LPL: variants seen among roughly 807,000 people sequenced by gnomAD.
LPL encodes lipoprotein lipase, also known as phospholipase A1.
Under a neutral mutation model 52.2 loss-of-function variants are expected in LPL, and 43 were observed. That is an observed-to-expected ratio of 0.82 (90% confidence interval 0.64 to 1.06). The LOEUF (loss-of-function observed/expected upper bound fraction) is 1.06. Among genes scored for constraint, LPL ranks in the 50% least tolerant of loss-of-function variants. The pLI is 0.00. For missense variants in LPL, 639 were observed against 585.3 expected (o/e 1.09, Z -0.95); for synonymous variants, 244 against 215.6 (o/e 1.13, Z -1.15).
At chr8:19,940,090 C>A (rs1395096947) in intron 1 of LPL, among the ~76,000 whole-genome samples, 1 of 152,212 alleles carries the variant, frequency 6.6e-6, no homozygotes, top group Admixed American at 6.5e-5. Context: ...TCGGCGGGGC[C>A]CCTCGCTCCG....
rs1331026335 is a variant in LPL at position 19,955,935 on chromosome 8, G to T, written c.870G>T (p.Arg290Ser). Reference protein sequence around the residue: ...LNEENPSKAYRCSSKEAFEKG... With the variant: ...LNEENPSKAYSCSSKEAFEKG... ...AAGAAAATCCAAGTAAGGCCTACAGGTGCAGTTCCAAGGAAGCCTTTGAGA... is the reference window on the plus strand; with the variant it reads ...AAGAAAATCCAAGTAAGGCCTACAGTTGCAGTTCCAAGGAAGCCTTTGAGA... The change falls in exon 6 of 10, where the codon AGG becomes AGT. Residue 290 changes from arginine to serine, a missense_variant. Coordinates refer to ENST00000650287, the MANE Select transcript of LPL (RefSeq NM_000237.3). 1 of 1,614,036 alleles carries T rather than the reference G, an allele frequency of 6.2e-7. No individual in the cohort carries two copies. The highest frequency in any genetic ancestry group is 8.5e-7 in the Non-Finnish European group (1 of 1,180,028).
intron 1 of LPL, among the ~76,000 whole-genome samples, chr8:19,941,487 T>C (rs1050255915): frequency 1.3e-5 from 2 of 152,224 alleles, no homozygotes; most frequent in African/African-American, 2.4e-5. Flanking sequence ...ATGAGGCCAA[T>C]GTTCTCTGAG....
intron 6 of LPL, among the ~76,000 whole-genome samples, chr8:19,958,475 G>T (rs575872621): frequency 6.6e-6 from 1 of 152,316 alleles, no homozygotes; most frequent in East Asian, 1.9e-4. Flanking sequence ...CCTGCTTCCA[G>T]AGGCTGTCCC....
intron 1 of LPL, among the ~76,000 whole-genome samples, chr8:19,942,363 T>C (rs1224778991): frequency 6.6e-6 from 1 of 152,232 alleles, no homozygotes; most frequent in Non-Finnish European, 1.5e-5. Context: ...TGGTTGGTGA[T>C]GATTTTGGAT....
At chr8:19,948,485 A>G in intron 2 of LPL, 145 bp downstream of exon 2, 1 of 960,964 alleles carries the variant, frequency 1.0e-6, no homozygotes, top group Non-Finnish European at 1.5e-6. Flanking sequence ...GTTCTGGCTC[A>G]GGTGGGATCT....
intron 4 of LPL, 51 bp from the exon 5 acceptor site, chr8:19,954,069 C>A (rs1044444268): frequency 7.7e-7 from 1 of 1,306,772 alleles, no homozygotes; most frequent in Non-Finnish European, 1.1e-6. Context: ...ATGCGAATGT[C>A]ATACGAATGG....
rs1033062829 is a variant in LPL at position 19,956,028 on chromosome 8, A to C, written c.963A>C (p.Arg321Ser). ...NNLGYEINKVRAKRSSKMYLK... is the reference protein window; with the variant it reads ...NNLGYEINKVSAKRSSKMYLK... ...TGGGCTATGAGATCAATAAAGTCAGAGCCAAAAGAAGCAGCAAAATGTACC... is the reference window on the plus strand; with the variant it reads ...TGGGCTATGAGATCAATAAAGTCAGCGCCAAAAGAAGCAGCAAAATGTACC... Residue 321 changes from arginine (R) to serine (S), a missense_variant, in exon 6 of 10, where the codon AGA (arginine) becomes AGC (serine). Coordinates refer to ENST00000650287, the MANE Select transcript of LPL (RefSeq NM_000237.3). 6.2e-7 allele frequency: 1 copy of C among 1,614,200 alleles called. No individual in the cohort carries two copies. The highest frequency in any genetic ancestry group is 8.5e-7 in the Non-Finnish European group (1 of 1,180,036).
chr8:19,954,746 A>C (rs951382417), intron 5 of LPL, among the ~76,000 whole-genome samples: 1 of 152,240 alleles, frequency 6.6e-6, no homozygotes, highest in Non-Finnish European at 1.5e-5. Flanking sequence ...ATTAGGATAA[A>C]TCTTCCAAAA....
intron 7 of LPL, among the ~76,000 whole-genome samples, chr8:19,960,548 G>A (rs568415984): frequency 6.6e-6 from 1 of 152,136 alleles, no homozygotes; most frequent in East Asian, 1.9e-4. Context: ...ATAAAGAATA[G>A]AGAATCGTAT....
chr8:19,953,681 C>G (rs1590142851), intron 4 of LPL, among the ~76,000 whole-genome samples: 2 of 151,242 alleles, frequency 1.3e-5, no homozygotes, highest in African/African-American at 4.9e-5. Flanking sequence ...CTCTGGGAAG[C>G]CTGTTTCCTC....
chr8:19,959,777 C>CTTTTTTTTTTTTTTTTT lies in LPL; in HGVS notation c.1139+410_1139+426dup. Among the ~76,000 whole-genome samples the CTTTTTTTTTTTTTTTTT allele has an allele frequency of 8.8e-4, 57 of 65,134 alleles. 5 individuals carry two copies. Among genetic ancestry groups the CTTTTTTTTTTTTTTTTT allele is most frequent in the African/African-American group, 1.4e-3 (21 of 15,152 alleles). 42.7% of individuals were successfully genotyped at this position (65,134 alleles called of 152,430 possible). On this transcript the variant is annotated intron_variant, in intron 7 of 9. Transcript: ENST00000650287. ...AGAAGTCCATGACAAAGTGTTAGCT[C>CTTTTTTTTTTTTTTTTT]TTTTTTTTTTTTTTTTTTTTTTTTT...
rs577363693 is a variant in LPL at position 19,944,472 on chromosome 8, G to T, written c.89-3708G>T. Among the ~76,000 whole-genome samples the T allele has an allele frequency of 1.3e-4, 18 of 142,312 alleles. No homozygotes were observed. The South Asian group carries it at 4.0e-3, about 32-fold the overall frequency. 93.4% of individuals were successfully genotyped at this position (142,312 alleles called of 152,430 possible). On this transcript the variant is annotated intron_variant, in intron 1 of 9. Coordinates refer to ENST00000650287, the MANE Select transcript of LPL (RefSeq NM_000237.3). This position sits in a 1 kb window ranked among gnomAD's most constrained non-coding sequence, Gnocchi z 4.2. ...AGGGGGGAGAGAGAGAGAAAGGGGT[G>T]GGGGGATAACAGGAGAACAGAAATT...
chr8:19,963,762 T>C (rs1330311301), intron 9 of LPL, among the ~76,000 whole-genome samples: 1 of 152,154 alleles, frequency 6.6e-6, no homozygotes, highest in Non-Finnish European at 1.5e-5. Flanking sequence ...TGTAAGAGCA[T>C]TCAGGATAAA....
At chr8:19,953,710 T>C (rs2069957339) in intron 4 of LPL, among the ~76,000 whole-genome samples, 1 of 99,752 alleles carries the variant, frequency 1.0e-5, no homozygotes, top group South Asian at 2.6e-4. Context: ...AGCTCTGTGT[T>C]TTAGTAGTGT....
chr8:19,953,562 T>C (rs1025955741), intron 4 of LPL, 141 bp downstream of exon 4: 10 of 683,866 alleles, frequency 1.5e-5, no homozygotes, highest in Admixed American at 8.2e-5. Context: ...TATCTCATTG[T>C]AGGGCTCTTT....
intron 1 of LPL, among the ~76,000 whole-genome samples, chr8:19,942,500 C>T (rs1249974292): frequency 6.6e-6 from 1 of 152,172 alleles, no homozygotes; most frequent in Non-Finnish European, 1.5e-5. Context: ...AACAAAAACA[C>T]TTATCAGTGT....
chr8:19,959,752 A>C (rs1162007824), intron 7 of LPL, among the ~76,000 whole-genome samples: 1 of 148,502 alleles, frequency 6.7e-6, no homozygotes, highest in Non-Finnish European at 1.5e-5. Context: ...ATAAGTAGTA[A>C]GAAGTCCATG....
At position 19,954,264 on chromosome 8, in the gene LPL, A is replaced by G. The variant is rs1287351470; in HGVS notation, c.686A>G (p.His229Arg). ...RSIGIQKPVG[H>R]VDIYPNGGTF... is the part of the protein sequence containing the mutation. ...ATTGGAATCCAGAAACCAGTTGGGC[A>G]TGTTGACATTTACCCGAATGGAGGT... The change falls in exon 5 of 10, where the codon CAT becomes CGT. Residue 229 changes from histidine to arginine, a missense_variant. His to Arg is a conservative substitution (Grantham distance 29). Transcript: ENST00000650287. 1 of 1,614,208 alleles carries G rather than the reference A, an allele frequency of 6.2e-7. No homozygotes were observed. The highest frequency in any genetic ancestry group is 1.3e-5 in the African/African-American group (1 of 75,050).
intron 1 of LPL, among the ~76,000 whole-genome samples, chr8:19,941,241 G>A (rs1177875347): frequency 6.6e-6 from 1 of 152,200 alleles, no homozygotes; most frequent in Non-Finnish European, 1.5e-5. Flanking sequence ...GGTATGTTTC[G>A]TATGTTTCCC....
Sources: allele counts gnomAD v4.1 joint callset (sites outside exome capture counted in the v4.1 genomes callset), GRCh38; gene constraint gnomAD v4.1.1; non-coding constraint Gnocchi (gnomAD v3.1); transcripts MANE v1.5; gene names NCBI Gene and HGNC (gene_info 2026-07-23, HGNC 2026-07-21).